CDHR4: variants seen among roughly 807,000 people sequenced by gnomAD.
CDHR4 encodes the protein cadherin-related family member 4.
A neutral mutation model predicts 88.4 loss-of-function variants in CDHR4; 89 were observed. That is an observed-to-expected ratio of 1.01 (90% CI 0.85 to 1.20). CDHR4 has a LOEUF of 1.20. CDHR4 is among the 50% of genes most tolerant of loss of function. The probability of loss-of-function intolerance (pLI) is 0.00; values close to 1 mark genes in which losing one functional copy is unlikely to be tolerated. For missense variants in CDHR4, 914 were observed against 1,007.2 expected (o/e 0.91, Z 1.25); for synonymous variants, 368 against 399.2 (o/e 0.92, Z 0.93).
chr3:49,798,483 G>A, intron 4 of CDHR4: 1 of 318,580 alleles, frequency 3.1e-6, no homozygotes, highest in East Asian at 5.4e-5. Flanking sequence ...AGCTACTCGG[G>A]AGGCTGAGGC....
rs1257596777 is a variant in CDHR4 at position 49,791,584 on chromosome 3, C to G, written c.2284-116G>C. On this transcript the variant is annotated intron_variant, in intron 17 of 18. Transcript: ENST00000412678. The stretch of plus-strand genomic sequence containing the variant: ...ACCTGCCTCCTCCATTCTGATGGTG[C>G]TAGTGTGGGCATTTCCACAAGGATA... The G allele has an allele frequency of 5.3e-5, 78 of 1,469,866 alleles. 2 individuals carry two copies. The highest frequency in any genetic ancestry group is 6.9e-5 in the Non-Finnish European group (75 of 1,082,512). 91.1% of individuals were successfully genotyped at this position (1,469,866 alleles called of 1,614,324 possible). A position where few individuals can be genotyped will look rare whatever the true frequency, so the allele number is the denominator to read the frequency against.
Position 49,795,322 on chromosome 3 carries a change from G to A in CDHR4, c.905C>T (p.Ala302Val), listed in dbSNP as rs368345757. The change falls in exon 8 of 19, where the codon GCG becomes GTG. Residue 302 changes from alanine (A) to valine (V), a missense_variant. By Grantham distance (64) the Ala-to-Val change is moderately conservative. Transcript: ENST00000412678. This position sits in a 1 kb window ranked among gnomAD's most constrained non-coding sequence, Gnocchi z 5.4. ...GGCCTTCACCTGCAGCCTGGAGACC[G>A]CGGTGCCTGAGGTGCGAGCTAACTC... ...PLELARTSGTAVSRLQVKAFE... is the reference protein window; with the variant it reads ...PLELARTSGTVVSRLQVKAFE... 1.1e-4 allele frequency: 178 copies of A among 1,551,450 alleles called. No homozygotes were observed. Among genetic ancestry groups the A allele is most frequent in the Middle Eastern group, 1.7e-4 (1 of 6,008 alleles).
chr3:49,798,558 A>C (rs1317890158), intron 4 of CDHR4: 1 of 498,406 alleles, frequency 2.0e-6, no homozygotes, highest in East Asian at 3.3e-5. Flanking sequence ...ACTGCACTCC[A>C]GCCTGGACGA....
chr3:49,792,470 C>T lies in CDHR4; in HGVS notation c.2136G>A (p.Gln712=). The change falls in exon 15 of 19, where the codon CAG becomes CAA. Residue 712 remains glutamine, a splice_region_variant and synonymous_variant. Transcript: ENST00000412678. ...ALGWLLGRLL[Q]GLAQLLQAPS... ...GAGCACAAGGATAGGATCCCTACCCCTGGAGGAGCCTGCCAAGAAGCCAGC... is the reference window on the plus strand; with the variant it reads ...GAGCACAAGGATAGGATCCCTACCCTTGGAGGAGCCTGCCAAGAAGCCAGC... 55 of 1,551,612 alleles carry T rather than the reference C, an allele frequency of 3.5e-5. No individual in the cohort carries two copies. The highest frequency in any genetic ancestry group is 4.7e-5 in the Non-Finnish European group (54 of 1,146,936).
intron 12 of CDHR4, 41 bp downstream of exon 12, chr3:49,793,542 C>A: frequency 1.3e-6 from 2 of 1,547,928 alleles, no homozygotes; most frequent in Non-Finnish European, 1.7e-6. Flanking sequence ...GAACTCCTGT[C>A]TTTCCAAGTA....
intron 4 of CDHR4, 167 bp downstream of exon 4, chr3:49,798,659 A>G (rs1176926310): frequency 3.2e-6 from 2 of 629,378 alleles, no homozygotes; most frequent in Non-Finnish European, 5.5e-6. Context: ...CTGGGGAGTG[A>G]GCAGCCCTCA....
intron 10 of CDHR4, 100 bp downstream of exon 10, chr3:49,794,508 C>T: frequency 1.0e-6 from 1 of 952,650 alleles, no homozygotes; most frequent in Non-Finnish European, 1.6e-6. Flanking sequence ...CCCTGCCCTA[C>T]TGGATTCTGA....
At chr3:49,792,685 G>C in intron 14 of CDHR4, 75 bp from the exon 15 acceptor site, 2 of 1,529,660 alleles carry the variant, frequency 1.3e-6, no homozygotes, top group Non-Finnish European at 1.8e-6. Flanking sequence ...CCCTTCCCCG[G>C]GCTAAGCCAC....
chr3:49,798,707 A>T, intron 4 of CDHR4, 119 bp downstream of exon 4: 1 of 910,708 alleles, frequency 1.1e-6, no homozygotes, highest in Non-Finnish European at 1.7e-6. Context: ...GTAGAGGCTC[A>T]TCTATGCCTC....
intron 16 of CDHR4, 31 bp downstream of exon 16, chr3:49,791,872 C>T (rs1187412871): frequency 6.4e-7 from 1 of 1,551,552 alleles, no homozygotes; most frequent in South Asian, 1.2e-5. Context: ...AGATGGGATC[C>T]CAGGCATAGA....
chr3:49,798,951 A>C, intron 3 of CDHR4, 34 bp from the exon 4 acceptor site: 1 of 1,611,462 alleles, frequency 6.2e-7, no homozygotes, highest in Admixed American at 1.7e-5. Flanking sequence ...GGATCTGCTC[A>C]GGCCATGCCT....
chr3:49,790,883 G>T lies in CDHR4; in HGVS notation c.2316C>A (p.Thr772=), dbSNP rs1047267637. 5.2e-6 allele frequency: 8 copies of T among 1,551,006 alleles called. No homozygotes were observed. Among genetic ancestry groups the T allele is most frequent in the Non-Finnish European group, 7.0e-6 (8 of 1,146,668 alleles). ...HFDGRAQDSR[T]GRDYLFNTHT... ...GTGTGTTAAACAGGTAGTCTCTTCC[G>T]GTACCTAAAACCGGTAGGAGAGAGA... is the stretch of plus-strand genomic sequence containing the variant. The change falls in exon 19 of 19, where the codon ACC becomes ACA. Residue 772 remains threonine, a synonymous_variant. Coordinates refer to ENST00000412678, the MANE Select transcript of CDHR4 (RefSeq NM_001007540.4).
chr3:49,790,862 G>A lies in CDHR4; in HGVS notation c.2337C>T (p.Asn779=). Residue 779 remains asparagine, a synonymous_variant, in exon 19 of 19, where the codon AAC becomes AAT. Transcript: ENST00000412678. ...GCCAGCGCCGGGCTCCTGTGTGTGT[G>A]TTAAACAGGTAGTCTCTTCCGGTAC... ...DSRTGRDYLF[N]THTGARRWL The A allele has an allele frequency of 6.4e-7, 1 of 1,551,406 alleles. No individual in the cohort carries two copies. The highest frequency in any genetic ancestry group is 8.7e-7 in the Non-Finnish European group (1 of 1,146,816).
At chr3:49,797,502 A>T (rs2108286668) in intron 4 of CDHR4, among the ~76,000 whole-genome samples, 1 of 148,810 alleles carries the variant, frequency 6.7e-6, no homozygotes, top group African/African-American at 2.5e-5. Flanking sequence ...CCTGTTTCTG[A>T]CAAAGTTTCA....
rs2081262673 is a variant in CDHR4 at position 49,795,790 on chromosome 3, C to T, written c.711-26G>A. 3.2e-6 allele frequency: 5 copies of T among 1,551,124 alleles called. No individual in the cohort carries two copies. In the East Asian group the frequency reaches 1.2e-4, roughly 38 times the overall value. On this transcript the variant is annotated intron_variant, in intron 6 of 18. Coordinates refer to ENST00000412678, the MANE Select transcript of CDHR4 (RefSeq NM_001007540.4). The surrounding 1 kb of genome is among the most constrained non-coding windows in gnomAD (Gnocchi z 5.4). ...CTGGACCAAAAGGGGGGCACTGGTT[C>T]CTGCCCATTCCTGCTCAACCTGTGG...
chr3:49,793,953 A>C lies in CDHR4; in HGVS notation c.1333T>G (p.Cys445Gly). 3.2e-6 allele frequency: 5 copies of C among 1,551,780 alleles called. No individual in the cohort carries two copies. Among genetic ancestry groups the C allele is most frequent in the Non-Finnish European group, 4.4e-6 (5 of 1,147,004 alleles). ...VTPINEFSPA[C>G]APRTFRVQED... is the part of the protein sequence containing the mutation. ...TGAACCCGGAACGTGCGAGGGGCAC[A>C]GGCTGGGGAGAACTCGTTGATGGGT... Residue 445 changes from cysteine (C) to glycine (G), a missense_variant, in exon 11 of 19, where the codon TGT becomes GGT. Transcript: ENST00000412678.
upstream of CDHR4, among the ~76,000 whole-genome samples, chr3:49,802,828 G>T (rs2081380690): frequency 6.6e-6 from 1 of 152,320 alleles, no homozygotes; most frequent in African/African-American, 2.4e-5. Context: ...GTCCTCAGAC[G>T]GGCTGAACCC....
intron 17 of CDHR4, 107 bp downstream of exon 17, chr3:49,791,607 A>G: frequency 1.4e-6 from 2 of 1,472,634 alleles, no homozygotes; most frequent in Non-Finnish European, 1.8e-6. Flanking sequence ...TTCCACAAGG[A>G]TACCCATTCA....
rs539825594 is a variant in CDHR4, at chr3:49,795,075, C to T, written c.1057G>A (p.Val353Met). The change falls in exon 9 of 19, where the codon GTG becomes ATG. Residue 353 changes from valine to methionine, a missense_variant. Physicochemically the swap from Val to Met is conservative, Grantham distance 21. Coordinates refer to ENST00000412678, the MANE Select transcript of CDHR4 (RefSeq NM_001007540.4). This position sits in a 1 kb window ranked among gnomAD's most constrained non-coding sequence, Gnocchi z 5.4. Reference protein sequence around the residue: ...LVSQIPETAPVGTVLNTLTCE... With the variant: ...LVSQIPETAPMGTVLNTLTCE... ...GTGAGAGTATTCAGCACGGTGCCCACGGGTGCAGTCTCCGGGATTTGGGAC... is the reference window on the plus strand; with the variant it reads ...GTGAGAGTATTCAGCACGGTGCCCATGGGTGCAGTCTCCGGGATTTGGGAC... 2.6e-5 allele frequency: 41 copies of T among 1,551,706 alleles called. No individual in the cohort carries two copies. The highest frequency in any genetic ancestry group is 1.7e-4 in the Middle Eastern group (1 of 5,992).
Sources: allele counts gnomAD v4.1 joint callset (sites outside exome capture counted in the v4.1 genomes callset), GRCh38; gene constraint gnomAD v4.1.1; non-coding constraint Gnocchi (gnomAD v3.1); transcripts MANE v1.5; gene names NCBI Gene and HGNC (gene_info 2026-07-23, HGNC 2026-07-21).